The following FGF7 variants were observed in gnomAD, a reference collection of about 807,000 sequenced individuals.
The protein encoded by FGF7 is FGF-7.
In FGF7, 6 loss-of-function variants were observed where a neutral mutation model predicts 20.5. The ratio of observed to expected loss-of-function variants is 0.29; its 90% confidence interval spans 0.16 to 0.58. FGF7 has a LOEUF of 0.58. Ranked by LOEUF, FGF7 falls within the 20% of genes least tolerant of loss-of-function variation. FGF7 has a pLI of 0.90. For synonymous variants in FGF7, 64 were observed against 74.7 expected, an observed-to-expected ratio of 0.86 and a Z score of 0.74; for missense variants, 144 against 228.8, an observed-to-expected ratio of 0.63 and a Z score of 2.39.
At chr15:49,440,924 G>A (rs1226569662) in intron 2 of FGF7, among the ~76,000 whole-genome samples, 1 of 151,728 alleles carries the variant, frequency 6.6e-6, no homozygotes, top group Non-Finnish European at 1.5e-5. Flanking sequence ...CTGGTTATAA[G>A]TTGGTTTAGA....
chr15:49,460,891 G>T (rs988565376), intron 2 of FGF7, among the ~76,000 whole-genome samples: 2 of 152,094 alleles, frequency 1.3e-5, no homozygotes, highest in Non-Finnish European at 2.9e-5. Flanking sequence ...GAATGCATTT[G>T]GTTTGTTTTT....
chr15:49,477,658 G>A (rs1382038722), intron 2 of FGF7, among the ~76,000 whole-genome samples: 1 of 152,184 alleles, frequency 6.6e-6, no homozygotes, highest in Non-Finnish European at 1.5e-5. Context: ...AGGTTTTTGT[G>A]TGGACATAGT....
intron 2 of FGF7, among the ~76,000 whole-genome samples, chr15:49,457,100 A>T (rs1043138175): frequency 6.6e-6 from 1 of 152,062 alleles, no homozygotes; most frequent in East Asian, 1.9e-4. Context: ...AGACTCCATA[A>T]TTTACAGCAA....
At chr15:49,448,040 G>A (rs1175256546) in intron 2 of FGF7, among the ~76,000 whole-genome samples, 1 of 151,524 alleles carries the variant, frequency 6.6e-6, no homozygotes, top group Non-Finnish European at 1.5e-5. Flanking sequence ...ATGTCCGAGA[G>A]CATATACAGA....
chr15:49,452,338 C>G (rs1044014563), intron 2 of FGF7, among the ~76,000 whole-genome samples: 2 of 152,132 alleles, frequency 1.3e-5, no homozygotes, highest in African/African-American at 2.4e-5. Context: ...CAGGTGTGAG[C>G]CACTGCACCC....
chr15:49,431,953 T>C (rs141707929), intron 2 of FGF7, among the ~76,000 whole-genome samples: 295 of 151,726 alleles, frequency 1.9e-3, no homozygotes, highest in Non-Finnish European at 1.7e-3. Flanking sequence ...TACAGAGGGG[T>C]TGAAATGATA....
intron 2 of FGF7, among the ~76,000 whole-genome samples, chr15:49,478,475 T>C (rs868469252): frequency 6.6e-6 from 1 of 152,138 alleles, no homozygotes; most frequent in Non-Finnish European, 1.5e-5. Flanking sequence ...ATAATAAAAA[T>C]ATATAATAGT....
intron 2 of FGF7, among the ~76,000 whole-genome samples, chr15:49,457,575 T>G (rs2053425336): frequency 1.3e-5 from 2 of 151,972 alleles, no homozygotes; most frequent in African/African-American, 4.8e-5. Context: ...ACTTTTCTAC[T>G]TCCATTTCTC....
At position 49,476,232 on chromosome 15, in the gene FGF7, G is replaced by GTTTTTTTTTTTTTTTTTTTTT; in HGVS notation, c.287-6906_287-6905insTTTTTTTTTTTTTTTTTTTTT. On this transcript the variant is annotated intron_variant, in intron 2 of 3. Transcript: ENST00000267843. ...TTGCTGTTTTGTTTTTTTGTTTTTGGTTTTTTTTTTTTTGCATTTGGCATA... is the reference window on the plus strand; with the variant it reads ...TTGCTGTTTTGTTTTTTTGTTTTTGGTTTTTTTTTTTTTTTTTTTTTTTTTTTTTTTTTTGCATTTGGCATA... Among the ~76,000 whole-genome samples the GTTTTTTTTTTTTTTTTTTTTT allele has an allele frequency of 6.3e-4, 36 of 57,440 alleles. 3 individuals carry two copies. Among genetic ancestry groups the GTTTTTTTTTTTTTTTTTTTTT allele is most frequent in the East Asian group, 1.4e-3 (3 of 2,222 alleles). 37.7% of individuals were successfully genotyped at this position (57,440 alleles called of 152,430 possible).
intron 2 of FGF7, among the ~76,000 whole-genome samples, chr15:49,462,797 T>C (rs946901376): frequency 3.9e-5 from 6 of 152,332 alleles, no homozygotes; most frequent in South Asian, 2.1e-4. Context: ...TAGTGAAGAC[T>C]TTGGCATGTA....
intron 2 of FGF7, among the ~76,000 whole-genome samples, chr15:49,471,638 A>G (rs1342772056): frequency 6.6e-6 from 1 of 152,108 alleles, no homozygotes; most frequent in African/African-American, 2.4e-5. Context: ...ATGGAAAGTT[A>G]TGATTTTCTA....
intron 2 of FGF7, among the ~76,000 whole-genome samples, chr15:49,440,910 G>T (rs984592193): frequency 1.3e-5 from 2 of 151,738 alleles, no homozygotes; most frequent in Non-Finnish European, 3.0e-5. Flanking sequence ...CTATCAAGAT[G>T]ATACTGGTTA....
At chr15:49,462,567 C>G (rs998449715) in intron 2 of FGF7, among the ~76,000 whole-genome samples, 7 of 152,182 alleles carry the variant, frequency 4.6e-5, no homozygotes, top group African/African-American at 1.7e-4. Context: ...GCATGATCCA[C>G]TTTCGTTGGC....
intron 2 of FGF7, among the ~76,000 whole-genome samples, chr15:49,472,901 T>C (rs1399417745): frequency 7.1e-6 from 1 of 140,064 alleles, no homozygotes; most frequent in Non-Finnish European, 1.7e-5. Context: ...GAGTATCTAA[T>C]TTTTTGGGTA....
intron 2 of FGF7, among the ~76,000 whole-genome samples, chr15:49,433,661 G>A (rs1408619390): frequency 6.6e-6 from 1 of 151,486 alleles, no homozygotes; most frequent in Non-Finnish European, 1.5e-5. Context: ...TGGAAAATTT[G>A]GTTTATTGTA....
intron 2 of FGF7, among the ~76,000 whole-genome samples, chr15:49,463,648 G>C (rs1490580180): frequency 1.3e-5 from 2 of 151,998 alleles, no homozygotes; most frequent in East Asian, 3.9e-4. Context: ...GAAGTTCGCT[G>C]TGTATAAGTT....
chr15:49,464,363 G>A (rs1193857105), intron 2 of FGF7, among the ~76,000 whole-genome samples: 1 of 152,178 alleles, frequency 6.6e-6, no homozygotes, highest in Non-Finnish European at 1.5e-5. Flanking sequence ...AAATAAAAAT[G>A]TGTTAACAGT....
chr15:49,485,416 T>C lies in FGF7; in HGVS notation c.*912T>C, dbSNP rs2056322708. On this transcript the variant is annotated 3_prime_UTR_variant, in exon 4 of 4. Coordinates refer to ENST00000267843, the MANE Select transcript of FGF7 (RefSeq NM_002009.4). ...TTTTCCTATGGTTACAGCATTAAAC[T>C]CTATTTTAAGTTGTTTTTGAACTTT... The C allele has an allele frequency of 6.6e-6, 1 of 152,504 alleles. No homozygotes were observed. The highest frequency in any genetic ancestry group is 1.9e-4 in the East Asian group (1 of 5,202). The allele number at this position is 152,504 out of a possible 1,614,324, so 9.4% of individuals were successfully genotyped here.
intron 2 of FGF7, chr15:49,434,506 G>C (rs1276021284): frequency 1.3e-5 from 2 of 151,494 alleles, no homozygotes; most frequent in African/African-American, 4.8e-5. Flanking sequence ...GAAATAGCCT[G>C]AAGGATGAAA....
Sources: gnomAD v4.1 joint callset for allele counts (sites outside exome capture counted in the v4.1 genomes callset) on GRCh38, gnomAD v4.1.1 for gene constraint, MANE v1.5 for transcripts, NCBI Gene and HGNC (gene_info 2026-07-23, HGNC 2026-07-21) for gene names.